The following PXDNL variants were observed in gnomAD, a reference collection of about 807,000 sequenced individuals.
The protein encoded by PXDNL is probable oxidoreductase PXDNL.
PXDNL carries 145 observed loss-of-function variants against 150.8 expected under a neutral mutation model. The observed-to-expected ratio is 0.96, with a 90% CI of 0.84 to 1.10. The LOEUF is 1.10. Among genes scored for constraint, PXDNL ranks in the 50% least tolerant of loss-of-function variants. The pLI is 0.00. For synonymous variants in PXDNL, 757 were observed against 725.7 expected, an observed-to-expected ratio of 1.04 and a Z score of -0.69; for missense variants, 2,087 against 1,873.9, an observed-to-expected ratio of 1.11 and a Z score of -2.10.
intron 4 of PXDNL, among the ~76,000 whole-genome samples, chr8:51,525,468 C>T (rs1421981555): frequency 6.6e-6 from 1 of 152,226 alleles, no homozygotes; most frequent in Non-Finnish European, 1.5e-5. Flanking sequence ...TAATCACACA[C>T]ATTCAGAAAC....
At chr8:51,494,179 TA>T (rs1810979292) in intron 5 of PXDNL, among the ~76,000 whole-genome samples, 1 of 152,020 alleles carries the variant, frequency 6.6e-6, no homozygotes, top group African/African-American at 2.4e-5. Flanking sequence ...CCAGCCAAAC[TA>T]AGCTTCATAA....
Position 51,351,287 on chromosome 8 carries a change from T to G in PXDNL, c.3902-5340A>C, listed in dbSNP as rs531374174. ...GGAAATAGGGTTGTTGCAGAGTAAT[T>G]CGTTAAGAGACCACACTGGAGTAGA... On this transcript the variant is annotated intron_variant, in intron 19 of 22. Coordinates refer to ENST00000356297, the MANE Select transcript of PXDNL (RefSeq NM_144651.5). Among the ~76,000 whole-genome samples the G allele has an allele frequency of 3.0e-3, 450 of 152,308 alleles. 2 individuals are homozygous for G. Among genetic ancestry groups the G allele is most frequent in the African/African-American group, 0.01 (427 of 41,566 alleles).
At chr8:51,708,379 T>C (rs1159019711) in intron 1 of PXDNL, among the ~76,000 whole-genome samples, 1 of 152,192 alleles carries the variant, frequency 6.6e-6, no homozygotes, top group Non-Finnish European at 1.5e-5. Context: ...AAGCACCTAC[T>C]GTAGGCTCTG....
chr8:51,426,694 A>G lies in PXDNL; in HGVS notation c.1590T>C (p.Ile530=). 1.2e-6 allele frequency: 2 copies of G among 1,609,132 alleles called. No individual in the cohort carries two copies. The highest frequency in any genetic ancestry group is 1.7e-6 in the Non-Finnish European group (2 of 1,177,190). Residue 530 remains isoleucine, a synonymous_variant, in exon 13 of 23, where the codon ATT becomes ATC. Transcript: ENST00000356297. ...TSVEVGKNIN[I]SCHAQGEPQP... is the part of the protein sequence containing the mutation. ...GTGGTTCTCCTTGAGCATGACATGAAATGTTTATATTCTTTCCAACCTCGA... is the reference window on the plus strand; with the variant it reads ...GTGGTTCTCCTTGAGCATGACATGAGATGTTTATATTCTTTCCAACCTCGA...
At chr8:51,407,236 T>G (rs908204326) in intron 17 of PXDNL, among the ~76,000 whole-genome samples, 1 of 152,220 alleles carries the variant, frequency 6.6e-6, no homozygotes, top group African/African-American at 2.4e-5. Context: ...CAGTTTGAGA[T>G]TCCACATATG....
intron 1 of PXDNL, among the ~76,000 whole-genome samples, chr8:51,702,672 C>A (rs1471769340): frequency 6.6e-6 from 1 of 152,112 alleles, no homozygotes; most frequent in African/African-American, 2.4e-5. Flanking sequence ...AATAACAGTA[C>A]CTATGGCATT....
At chr8:51,530,697 T>C (rs1170712639) in intron 4 of PXDNL, among the ~76,000 whole-genome samples, 1 of 152,178 alleles carries the variant, frequency 6.6e-6, no homozygotes, top group East Asian at 1.9e-4. Context: ...ACACTCTGCG[T>C]GTAGTGCTCT....
At chr8:51,457,709 C>G in intron 8 of PXDNL, 42 bp from the exon 9 acceptor site, 2 of 1,520,294 alleles carry the variant, frequency 1.3e-6, no homozygotes, top group Non-Finnish European at 1.8e-6. Flanking sequence ...TAATCCCATT[C>G]ATGTTTAAAA....
intron 12 of PXDNL, among the ~76,000 whole-genome samples, chr8:51,440,060 T>TACAC (rs963447804): frequency 6.7e-6 from 1 of 150,338 alleles, no homozygotes; most frequent in African/African-American, 2.4e-5. Flanking sequence ...TATGTATATA[T>TACAC]ACACACACAC....
At chr8:51,428,470 T>C (rs756639149) in intron 12 of PXDNL, among the ~76,000 whole-genome samples, 12 of 152,220 alleles carry the variant, frequency 7.9e-5, no homozygotes, top group Non-Finnish European at 1.2e-4. Flanking sequence ...ACGGGTCATA[T>C]AGCTGCAGTA....
At chr8:51,560,291 T>A (rs1391874098) in intron 3 of PXDNL, among the ~76,000 whole-genome samples, 2 of 152,036 alleles carry the variant, frequency 1.3e-5, no homozygotes, top group African/African-American at 4.8e-5. Flanking sequence ...AATGGCATTT[T>A]TTTTTGCAGA....
intron 17 of PXDNL, among the ~76,000 whole-genome samples, chr8:51,394,909 C>A (rs1346465593): frequency 1.3e-5 from 2 of 152,118 alleles, no homozygotes; most frequent in Admixed American, 6.5e-5. Context: ...TGGAAGACCC[C>A]AAGTGTAGAT....
At chr8:51,519,425 T>G (rs893370279) in intron 4 of PXDNL, among the ~76,000 whole-genome samples, 12 of 151,748 alleles carry the variant, frequency 7.9e-5, no homozygotes, top group African/African-American at 2.9e-4. Flanking sequence ...CCCAGGTACT[T>G]GGGAGACTGA....
At chr8:51,690,618 C>T (rs1374628426) in intron 1 of PXDNL, among the ~76,000 whole-genome samples, 4 of 152,146 alleles carry the variant, frequency 2.6e-5, no homozygotes, top group Non-Finnish European at 5.9e-5. Context: ...TGAATACTGC[C>T]GCAATAAACA....
intron 5 of PXDNL, among the ~76,000 whole-genome samples, chr8:51,486,782 ATATATATATATATTTTTTTTTTTTTT>A (rs1296075800): frequency 4.7e-5 from 1 of 21,420 alleles, no homozygotes; most frequent in African/African-American, 1.9e-4. Context: ...ATATATATAT[ATATATATATATATTTTTTTTTTTTTT>A]TTTTTTTTTT....
At chr8:51,693,265 G>C (rs1203617139) in intron 1 of PXDNL, among the ~76,000 whole-genome samples, 1 of 152,184 alleles carries the variant, frequency 6.6e-6, no homozygotes, top group Non-Finnish European at 1.5e-5. Context: ...CACAAAGCAA[G>C]CTTAGTGTGG....
chr8:51,625,570 T>G (rs1054620118), intron 2 of PXDNL, among the ~76,000 whole-genome samples: 1 of 152,088 alleles, frequency 6.6e-6, no homozygotes, highest in Non-Finnish European at 1.5e-5. Context: ...GTGAAAAATA[T>G]CAGGGTTCAA....
intron 1 of PXDNL, among the ~76,000 whole-genome samples, chr8:51,681,161 T>C (rs1386053573): frequency 3.3e-5 from 5 of 152,090 alleles, no homozygotes; most frequent in Admixed American, 3.3e-4. Flanking sequence ...AAACTCTTTG[T>C]AAGAACACAG....
intron 14 of PXDNL, among the ~76,000 whole-genome samples, chr8:51,423,206 T>C (rs1389319409): frequency 6.6e-6 from 1 of 152,220 alleles, no homozygotes; most frequent in African/African-American, 2.4e-5. Flanking sequence ...GGATTAAATA[T>C]ACTAGGCTAG....
Sources: allele counts gnomAD v4.1 joint callset (sites outside exome capture counted in the v4.1 genomes callset), GRCh38; gene constraint gnomAD v4.1.1; transcripts MANE v1.5; gene names NCBI Gene and HGNC (gene_info 2026-07-23, HGNC 2026-07-21).